ATAD3B: variants seen among roughly 807,000 people sequenced by gnomAD.
ATAD3B encodes the protein ATPase family AAA domain-containing protein 3B.
ATAD3B carries 59 observed loss-of-function variants against 70.2 expected under a neutral mutation model. The ratio of observed to expected loss-of-function variants is 0.84; its 90% CI spans 0.68 to 1.04. The LOEUF (loss-of-function observed/expected upper bound fraction) is 1.04. Among genes scored for constraint, ATAD3B ranks in the 50% least tolerant of loss-of-function variants. ATAD3B has a pLI of 0.00. For missense variants in ATAD3B, 961 were observed against 913.4 expected, an observed-to-expected ratio of 1.05 and a Z score of -0.67; for synonymous variants, 423 against 388.6, an observed-to-expected ratio of 1.09 and a Z score of -1.04.
chr1:1,480,723 G>C lies in ATAD3B; in HGVS notation c.445-144G>C, dbSNP rs1477982641. On this transcript the variant is annotated intron_variant, in intron 4 of 15. Transcript: ENST00000673477. ...GTCCCAGCCGATGTCACCCGTGTCT[G>C]TGTCAGGGTGCGGCGTCTGCAGGTC... The C allele has an allele frequency of 2.6e-4, 377 of 1,443,338 alleles. 26 individuals are homozygous for C. The highest frequency in any genetic ancestry group is 2.6e-3 in the Middle Eastern group (11 of 4,282). 89.4% of individuals were successfully genotyped at this position (1,443,338 alleles called of 1,614,324 possible).
chr1:1,509,173 C>T, the ATAD3B span: 11 of 1,606,976 alleles, frequency 6.8e-6, no homozygotes, highest in African/African-American at 1.4e-5. Flanking sequence ...GTTCCCATGG[C>T]GGCCTCCCTC....
downstream of ATAD3B, among the ~76,000 whole-genome samples, chr1:1,500,280 C>T (rs537508507): frequency 2.5e-4 from 36 of 143,418 alleles, 1 homozygote; most frequent in African/African-American, 8.6e-4. Flanking sequence ...TGGCCGGGTG[C>T]GGTGGCTCAC....
At chr1:1,473,965 CT>C (rs1451444858) in intron 1 of ATAD3B, among the ~76,000 whole-genome samples, 2 of 152,006 alleles carry the variant, frequency 1.3e-5, no homozygotes, top group Non-Finnish European at 2.9e-5. Flanking sequence ...CTGGCCCCGG[CT>C]GGGTCTCATA....
chr1:1,489,774 G>C lies in ATAD3B; in HGVS notation c.1338-483G>C, dbSNP rs1640430628. On this transcript the variant is annotated intron_variant, in intron 13 of 15. Transcript: ENST00000673477. Reference sequence around the variant, plus strand: ...TCAGGCACGTTGGGCTCCTGGGTCAGCTGCTGCCGTTCGACGCTCCCTGGA... The same window carrying C: ...TCAGGCACGTTGGGCTCCTGGGTCACCTGCTGCCGTTCGACGCTCCCTGGA... 6 of 1,302,338 alleles carry C rather than the reference G, an allele frequency of 4.6e-6. 1 individual carries two copies. Among genetic ancestry groups the C allele is most frequent in the Non-Finnish European group, 6.1e-6 (6 of 990,548 alleles). 80.7% of individuals were successfully genotyped at this position (1,302,338 alleles called of 1,614,324 possible). A position where few individuals can be genotyped will look rare whatever the true frequency, so the allele number is the denominator to read the frequency against.
In ATAD3B at chr1:1,490,244, C is replaced by G. The variant is rs760825536; in HGVS notation, c.1338-13C>G. 16 of 1,609,378 alleles carry G rather than the reference C, an allele frequency of 9.9e-6. No individual in the cohort carries two copies. Among genetic ancestry groups the G allele is most frequent in the South Asian group, 3.3e-5 (3 of 90,834 alleles). ...GCAGCCCCAGCGTTTCCTTCCCCAT[C>G]CCTGTCCTACAGATTCATGCTGGTC... On this transcript the variant is annotated splice_polypyrimidine_tract_variant and intron_variant, in intron 13 of 15. Coordinates refer to ENST00000673477, the MANE Select transcript of ATAD3B (RefSeq NM_031921.6).
At position 1,477,368 on chromosome 1, in the gene ATAD3B, G is replaced by A. The variant is rs545626564; in HGVS notation, c.282+18G>A. The A allele has an allele frequency of 9.8e-5, 158 of 1,611,890 alleles. 4 individuals carry two copies. The South Asian group carries it at 1.6e-3, about 16-fold the overall frequency. On this transcript the variant is annotated intron_variant, in intron 2 of 15. Transcript: ENST00000673477. ...AGCTCAAAGTGAGTGGGGCCGGTGT[G>A]GGCGAGGAGGCCGGGGCGCACATGG... is the stretch of plus-strand genomic sequence containing the variant.
chr1:1,490,529 C>A (rs1196392279), intron 14 of ATAD3B, 34 bp from the exon 15 acceptor site: 5 of 1,611,104 alleles, frequency 3.1e-6, no homozygotes, highest in Non-Finnish European at 4.2e-6. Context: ...GGGTCCGCGG[C>A]CTTGGCTGCC....
chr1:1,490,431 GT>G lies in ATAD3B; in HGVS notation c.1505+8del. 2 of 1,613,030 alleles carry G rather than the reference GT, an allele frequency of 1.2e-6. No homozygotes were observed. The highest frequency in any genetic ancestry group is 1.7e-6 in the Non-Finnish European group (2 of 1,179,536). The stretch of plus-strand genomic sequence containing the variant: ...CGGCCACAGAAGGAAAACGGTGAGT[GT>G]CCCGCCTCACCCGGCCCCCAATCCA... On this transcript the variant is annotated splice_region_variant and intron_variant, in intron 14 of 15. Coordinates refer to ENST00000673477, the MANE Select transcript of ATAD3B (RefSeq NM_031921.6).
At position 1,495,893 on chromosome 1, in the gene ATAD3B, A is replaced by G. The variant is rs888527035; in HGVS notation, c.*76A>G. 168 of 1,474,892 alleles carry G rather than the reference A, an allele frequency of 1.1e-4. 1 individual carries two copies. Among genetic ancestry groups the G allele is most frequent in the Non-Finnish European group, 1.4e-4 (161 of 1,118,090 alleles). The allele number at this position is 1,474,892 out of a possible 1,614,324, so 91.4% of individuals were successfully genotyped here. On this transcript the variant is annotated 3_prime_UTR_variant, in exon 16 of 16. Coordinates refer to ENST00000673477, the MANE Select transcript of ATAD3B (RefSeq NM_031921.6). ...GGGAGATGCATTTTCCGTCTGGCTC[A>G]CAGGGGGAGGGTGAGGCTTTGTACC... is the stretch of plus-strand genomic sequence containing the variant.
At chr1:1,491,224 T>C (rs1640525583) in intron 15 of ATAD3B, among the ~76,000 whole-genome samples, 1 of 152,010 alleles carries the variant, frequency 6.6e-6, no homozygotes, top group Non-Finnish European at 1.5e-5. Context: ...CACTGGAGTG[T>C]GGGCATGGCC....
Position 1,478,423 on chromosome 1 carries a change from G to T in ATAD3B, c.283-221G>T, listed in dbSNP as rs1299425995. The stretch of plus-strand genomic sequence containing the variant: ...GTTGGTGTCTGACCTCCCTCCCCGG[G>T]GGCCTTCGCAGGCTTCTCTGCTGGT... On this transcript the variant is annotated intron_variant, in intron 2 of 15. Transcript: ENST00000673477. The T allele has an allele frequency of 2.4e-5, 36 of 1,514,066 alleles. No individual in the cohort carries two copies. The Admixed American group carries it at 7.4e-4, about 31-fold the overall frequency. The allele number at this position is 1,514,066 out of a possible 1,614,324, so 93.8% of individuals were successfully genotyped here.
In ATAD3B at chr1:1,482,905, G is replaced by T. The variant is rs926158033; in HGVS notation, c.750+291G>T. On this transcript the variant is annotated intron_variant, in intron 7 of 15. Transcript: ENST00000673477. ...TGGTCCTGCTACTCGAGAGGCTGAGGTAGGAGGATCACTTAAGCCCAGGAG... is the reference window on the plus strand; with the variant it reads ...TGGTCCTGCTACTCGAGAGGCTGAGTTAGGAGGATCACTTAAGCCCAGGAG... 3.6e-4 allele frequency: 190 copies of T among 524,410 alleles called. 3 individuals are homozygous for T. The highest frequency in any genetic ancestry group is 4.2e-4 in the Non-Finnish European group (117 of 277,372). 32.5% of individuals were successfully genotyped at this position (524,410 alleles called of 1,614,324 possible). A position where few individuals can be genotyped will look rare whatever the true frequency, so the allele number is the denominator to read the frequency against.
the ATAD3B span, among the ~76,000 whole-genome samples, chr1:1,505,504 A>AC: frequency 1.3e-5 from 2 of 151,782 alleles, no homozygotes; most frequent in Admixed American, 6.6e-5. Context: ...TCTTCTCTAA[A>AC]CTCCCCCGGG....
intron 13 of ATAD3B, chr1:1,489,685 C>T (rs1414225503): frequency 5.3e-6 from 7 of 1,317,970 alleles, no homozygotes; most frequent in Non-Finnish European, 7.0e-6. Context: ...CTCCTGGGCC[C>T]CTCCAGCCCC....
chr1:1,487,349 A>G (rs1356091965), intron 11 of ATAD3B, among the ~76,000 whole-genome samples: 5 of 151,788 alleles, frequency 3.3e-5, no homozygotes, highest in Admixed American at 6.6e-5. Flanking sequence ...TTAGCCAGGC[A>G]TGGTGGTGGG....
At chr1:1,499,586 C>CTTTTT (rs71578322), downstream of ATAD3B, among the ~76,000 whole-genome samples, 53 of 65,750 alleles carry the variant, frequency 8.1e-4, no homozygotes, top group Non-Finnish European at 8.6e-4. Flanking sequence ...CCAAACAGCT[C>CTTTTT]TTTTTTTTTT....
chr1:1,492,534 G>T (rs1247510983), intron 15 of ATAD3B, among the ~76,000 whole-genome samples: 1 of 151,644 alleles, frequency 6.6e-6, no homozygotes, highest in Non-Finnish European at 1.5e-5. Flanking sequence ...AGTGGCACAT[G>T]CCTGTAATCC....
chr1:1,482,009 A>G (rs1310256702), intron 5 of ATAD3B, 129 bp from the exon 6 acceptor site: 21 of 1,408,642 alleles, frequency 1.5e-5, no homozygotes, highest in African/African-American at 9.4e-5. Flanking sequence ...GGTCCGTGGC[A>G]TGGGCCTGTC....
At chr1:1,493,004 G>A (rs1483986189) in intron 15 of ATAD3B, among the ~76,000 whole-genome samples, 8 of 151,576 alleles carry the variant, frequency 5.3e-5, no homozygotes, top group African/African-American at 1.5e-4. Flanking sequence ...CCAGCTGCTC[G>A]GGAGGCTGAG....
Sources: allele counts gnomAD v4.1 joint callset (sites outside exome capture counted in the v4.1 genomes callset), GRCh38; gene constraint gnomAD v4.1.1; transcripts MANE v1.5; gene names NCBI Gene and HGNC (gene_info 2026-07-23, HGNC 2026-07-21).